The following JPH3 variants were observed in gnomAD, a reference collection of about 807,000 sequenced individuals.
JPH3 encodes the protein junctophilin 3, also known as junctophilin-3.
A neutral mutation model predicts 59.6 loss-of-function variants in JPH3; 11 were observed. The observed-to-expected ratio is 0.18, with a 90% CI of 0.12 to 0.31. The LOEUF is 0.31. JPH3 is among the 10% of genes least tolerant of loss of function. JPH3 has a pLI of 1.00. For missense variants in JPH3, 1,202 were observed against 1,105.7 expected (o/e 1.09, Z -1.24); for synonymous variants, 673 against 483.6 (o/e 1.39, Z -5.14).
intron 2 of JPH3, among the ~76,000 whole-genome samples, chr16:87,679,660 C>T (rs891206648): frequency 5.9e-5 from 9 of 152,254 alleles, no homozygotes; most frequent in African/African-American, 2.2e-4. Flanking sequence ...TGGGTCGTGC[C>T]GGCTCTCCGT....
chr16:87,615,681 G>A lies in JPH3; in HGVS notation c.382+12153G>A, dbSNP rs576181158. On this transcript the variant is annotated intron_variant, in intron 1 of 4. Transcript: ENST00000284262. ...TCGCCTGACCCGGCCTCCCTGACCCGGGCTGCCCAGAAGGGAGCCCAGGAA... is the reference window on the plus strand; with the variant it reads ...TCGCCTGACCCGGCCTCCCTGACCCAGGCTGCCCAGAAGGGAGCCCAGGAA... Among the ~76,000 whole-genome samples, 5 of 152,308 alleles carry A rather than the reference G, an allele frequency of 3.3e-5. No individual in the cohort carries two copies. In the East Asian group the frequency reaches 5.8e-4, roughly 18 times the overall value.
At chr16:87,649,903 G>C (rs1991507) in intron 2 of JPH3, among the ~76,000 whole-genome samples, 106,305 of 152,134 alleles carry the variant, frequency 0.7, 37,620 homozygotes, top group South Asian at 0.8. Flanking sequence ...GCTCAGCCAG[G>C]ATTTGATGGG....
intron 3 of JPH3, among the ~76,000 whole-genome samples, chr16:87,688,311 G>A (rs1350806489): frequency 1.3e-5 from 2 of 152,196 alleles, no homozygotes; most frequent in African/African-American, 4.8e-5. Flanking sequence ...GCTCAGCACT[G>A]CCTCTTAGAC....
At chr16:87,613,883 G>A (rs2030832039) in intron 1 of JPH3, among the ~76,000 whole-genome samples, 3 of 152,350 alleles carry the variant, frequency 2.0e-5, no homozygotes, top group South Asian at 2.1e-4. Context: ...TTAAAAGACA[G>A]GAAAGGTGAG....
intron 3 of JPH3, among the ~76,000 whole-genome samples, chr16:87,686,549 T>A (rs2033423487): frequency 6.7e-6 from 1 of 149,184 alleles, no homozygotes; most frequent in African/African-American, 2.5e-5. Flanking sequence ...GAGTCAGAGA[T>A]GCTTCCTCGA....
intron 2 of JPH3, among the ~76,000 whole-genome samples, chr16:87,674,504 C>T (rs2033097271): frequency 6.6e-6 from 1 of 152,176 alleles, no homozygotes; most frequent in Non-Finnish European, 1.5e-5. Flanking sequence ...CAAACAGGGA[C>T]ACCCATGACA....
chr16:87,684,293 C>A, intron 3 of JPH3, 27 bp downstream of exon 3: 1 of 1,612,048 alleles, frequency 6.2e-7, no homozygotes, highest in Admixed American at 1.7e-5. Context: ...CTGATACTGG[C>A]ATCGTGGGGA....
At chr16:87,668,191 G>A (rs1395034165) in intron 2 of JPH3, among the ~76,000 whole-genome samples, 1 of 152,194 alleles carries the variant, frequency 6.6e-6, no homozygotes, top group Admixed American at 6.5e-5. Flanking sequence ...GGGTCCTCTG[G>A]GAAGCTCTGG....
At chr16:87,606,854 C>T (rs1456814232) in intron 1 of JPH3, among the ~76,000 whole-genome samples, 1 of 152,182 alleles carries the variant, frequency 6.6e-6, no homozygotes, top group African/African-American at 2.4e-5. Flanking sequence ...TACTTACTGT[C>T]TGCCAAGCAT....
chr16:87,666,331 C>T (rs950718259), intron 2 of JPH3, among the ~76,000 whole-genome samples: 32 of 151,216 alleles, frequency 2.1e-4, no homozygotes, highest in Admixed American at 3.3e-4. Context: ...TCAGGTGATC[C>T]GCTCCCCTCG....
chr16:87,661,775 A>G (rs1417844540), intron 2 of JPH3, among the ~76,000 whole-genome samples: 1 of 152,190 alleles, frequency 6.6e-6, no homozygotes, highest in Non-Finnish European at 1.5e-5. Context: ...TGGGGCTTCG[A>G]CTTAGAAGGG....
chr16:87,654,662 CAG>C (rs1356366176), intron 2 of JPH3: 1 of 152,306 alleles, frequency 6.6e-6, no homozygotes, highest in Non-Finnish European at 1.5e-5. Context: ...AGAATGTCCC[CAG>C]AGTCATGACC....
At chr16:87,615,583 AC>A (rs1043207411) in intron 1 of JPH3, among the ~76,000 whole-genome samples, 10 of 152,260 alleles carry the variant, frequency 6.6e-5, no homozygotes, top group Admixed American at 6.5e-4. Context: ...CAGAGATGCA[AC>A]AGAAGTGGGA....
intron 1 of JPH3, among the ~76,000 whole-genome samples, chr16:87,615,365 G>C (rs1022239905): frequency 6.6e-6 from 1 of 152,200 alleles, no homozygotes; most frequent in African/African-American, 2.4e-5. Flanking sequence ...TACCCTTGGG[G>C]TCAGCATCCA....
rs529724082 is a variant in JPH3 at position 87,689,583 on chromosome 16, C to T, written c.1286-63C>T. ...CCCTCTGGCGCCCTGGCCCGGGGAC[C>T]GCGGCCTCGCTGTGGAATGTGCTGG... On this transcript the variant is annotated intron_variant, in intron 3 of 4. Transcript: ENST00000284262. The T allele has an allele frequency of 2.8e-3, 4,337 of 1,545,374 alleles. 13 individuals are homozygous for T. Among genetic ancestry groups the T allele is most frequent in the Non-Finnish European group, 3.4e-3 (3,854 of 1,139,250 alleles).
intron 4 of JPH3, chr16:87,695,179 T>G (rs925732237): frequency 5.3e-5 from 20 of 375,320 alleles, no homozygotes; most frequent in African/African-American, 4.0e-4. Context: ...GGAGGCCCGT[T>G]GTTCGGGCTC....
intron 2 of JPH3, among the ~76,000 whole-genome samples, chr16:87,677,352 C>T (rs758593059): frequency 1.3e-5 from 2 of 152,022 alleles, no homozygotes; most frequent in Non-Finnish European, 2.9e-5. Context: ...CACTGTACTG[C>T]AGCCTGGGTG....
chr16:87,613,968 C>A (rs368135854), intron 1 of JPH3, among the ~76,000 whole-genome samples: 2 of 152,178 alleles, frequency 1.3e-5, no homozygotes, highest in African/African-American at 4.8e-5. Context: ...TCCGGCGCTC[C>A]GAGATGCCTT....
chr16:87,659,003 G>T (rs930040133), intron 2 of JPH3, among the ~76,000 whole-genome samples: 1 of 152,220 alleles, frequency 6.6e-6, no homozygotes, highest in African/African-American at 2.4e-5. Flanking sequence ...AGACCTGGGC[G>T]GTCACTTAGT....
Sources: allele counts gnomAD v4.1 joint callset (sites outside exome capture counted in the v4.1 genomes callset), GRCh38; gene constraint gnomAD v4.1.1; transcripts MANE v1.5; gene names NCBI Gene and HGNC (gene_info 2026-07-23, HGNC 2026-07-21).